The following MYO16 variants were observed in gnomAD, a reference collection of about 807,000 sequenced individuals.
The protein encoded by MYO16 is unconventional myosin-XVI.
Under a neutral mutation model 205.3 loss-of-function variants are expected in MYO16, and 94 were observed. That is an observed-to-expected ratio of 0.46 (90% CI 0.39 to 0.54). The LOEUF is 0.54. Among genes scored for constraint, MYO16 ranks in the 20% least tolerant of loss-of-function variants. The pLI is 0.00. For synonymous variants in MYO16, 988 were observed against 954.0 expected (o/e 1.04, Z -0.66); for missense variants, 2,315 against 2,387.5 (o/e 0.97, Z 0.63).
intron 1 of MYO16, among the ~76,000 whole-genome samples, chr13:108,614,766 T>C (rs1465624495): frequency 1.3e-5 from 2 of 152,036 alleles, no homozygotes; most frequent in African/African-American, 4.8e-5. Context: ...AATATCCATA[T>C]GCAAAAGAAT....
intron 1 of MYO16, among the ~76,000 whole-genome samples, chr13:108,653,208 G>A (rs1449899270): frequency 6.6e-6 from 1 of 152,120 alleles, no homozygotes. Context: ...ATCTATTCAA[G>A]TCCTTTTCCC....
intron 33 of MYO16, among the ~76,000 whole-genome samples, chr13:109,176,002 C>T (rs1266269189): frequency 6.6e-6 from 1 of 151,534 alleles, no homozygotes; most frequent in African/African-American, 2.4e-5. Context: ...CAAACATTTA[C>T]AGCTGAAATG....
chr13:109,203,364 C>T (rs1221220302), intron 34 of MYO16, among the ~76,000 whole-genome samples: 1 of 151,768 alleles, frequency 6.6e-6, no homozygotes, highest in Admixed American at 6.6e-5. Flanking sequence ...AAAAGCCAAA[C>T]AATCTTATCA....
chr13:108,675,851 G>T (rs77783597), intron 2 of MYO16, among the ~76,000 whole-genome samples: 3 of 152,174 alleles, frequency 2.0e-5, no homozygotes, highest in Non-Finnish European at 4.4e-5. Flanking sequence ...CAGTCTGGGG[G>T]TTGATCTGTA....
intron 31 of MYO16, among the ~76,000 whole-genome samples, chr13:109,132,175 T>G (rs1332789652): frequency 6.6e-6 from 1 of 152,228 alleles, no homozygotes; most frequent in Non-Finnish European, 1.5e-5. Context: ...GTGCCTGGCT[T>G]GGAGTGACGG....
At chr13:109,190,882 A>G (rs976229720) in intron 34 of MYO16, among the ~76,000 whole-genome samples, 1 of 152,170 alleles carries the variant, frequency 6.6e-6, no homozygotes, top group Non-Finnish European at 1.5e-5. Flanking sequence ...ATATAATAAT[A>G]TATATTTAGC....
At chr13:108,987,816 C>T (rs1033046577) in intron 20 of MYO16, among the ~76,000 whole-genome samples, 2 of 152,202 alleles carry the variant, frequency 1.3e-5, no homozygotes, top group Non-Finnish European at 1.5e-5. Flanking sequence ...CTGCCTTGTA[C>T]ACACCATCAG....
intron 4 of MYO16, among the ~76,000 whole-genome samples, chr13:108,761,593 A>G (rs947436895): frequency 6.6e-6 from 1 of 152,182 alleles, no homozygotes; most frequent in Non-Finnish European, 1.5e-5. Context: ...ATAAAAGGAA[A>G]ATCTTCACAA....
chr13:108,811,111 T>TA (rs973062408), intron 7 of MYO16, among the ~76,000 whole-genome samples: 9 of 152,172 alleles, frequency 5.9e-5, no homozygotes, highest in African/African-American at 2.2e-4. Flanking sequence ...CACCCAAAGA[T>TA]AAAAAAATAT....
chr13:109,181,826 ATT>A (rs950434173), intron 34 of MYO16, among the ~76,000 whole-genome samples: 1 of 144,626 alleles, frequency 6.9e-6, no homozygotes. Context: ...ATTTTATTTT[ATT>A]TTTTTTTTTG....
At chr13:109,070,818 A>G (rs548227363) in intron 27 of MYO16, among the ~76,000 whole-genome samples, 4 of 152,320 alleles carry the variant, frequency 2.6e-5, no homozygotes, top group African/African-American at 7.2e-5. Flanking sequence ...TGAAGCATCA[A>G]TTTATACACG....
intron 1 of MYO16, among the ~76,000 whole-genome samples, chr13:108,601,826 G>A (rs190017553): frequency 9.2e-5 from 14 of 152,222 alleles, no homozygotes; most frequent in East Asian, 5.8e-4. Flanking sequence ...TCACCAAGAC[G>A]TTCAGGAGCC....
At chr13:109,018,793 C>T (rs1034750888) in intron 22 of MYO16, among the ~76,000 whole-genome samples, 5 of 152,144 alleles carry the variant, frequency 3.3e-5, no homozygotes, top group African/African-American at 7.2e-5. Flanking sequence ...TGCGATGCCC[C>T]GCTCTGCTTC....
At chr13:108,816,739 T>A (rs1421132574) in intron 7 of MYO16, among the ~76,000 whole-genome samples, 2 of 152,236 alleles carry the variant, frequency 1.3e-5, no homozygotes, top group South Asian at 2.1e-4. Context: ...ACTTTCAGGA[T>A]GCCTGTCCGC....
intron 23 of MYO16, among the ~76,000 whole-genome samples, chr13:109,021,445 C>A (rs1447615561): frequency 7.2e-5 from 11 of 152,102 alleles, no homozygotes; most frequent in African/African-American, 2.7e-4. Flanking sequence ...AAGGGAAAAT[C>A]ATCTTCACGG....
chr13:108,743,420 G>A (rs145545468), intron 4 of MYO16, among the ~76,000 whole-genome samples: 2,357 of 152,282 alleles, frequency 0.015, 113 homozygotes, highest in Admixed American at 0.084. Context: ...AAGGGTGATA[G>A]GGAATATCAG....
At chr13:109,092,184 A>C (rs1303111853) in intron 27 of MYO16, among the ~76,000 whole-genome samples, 1 of 152,238 alleles carries the variant, frequency 6.6e-6, no homozygotes, top group Non-Finnish European at 1.5e-5. Context: ...TTAACAAACA[A>C]AGACATTTTC....
intron 15 of MYO16, among the ~76,000 whole-genome samples, chr13:108,899,386 G>A (rs1305535927): frequency 6.6e-6 from 1 of 151,284 alleles, no homozygotes; most frequent in Non-Finnish European, 1.5e-5. Flanking sequence ...TCACACCATT[G>A]CACTCCAGCC....
chr13:109,052,401 T>A lies in MYO16; in HGVS notation c.2974T>A (p.Ser992Thr). ...YPSFKFRGHK[S>T]ALLSKKMTAS... The stretch of plus-strand genomic sequence containing the variant: ...TTCCTTTAAATTCCGAGGACATAAG[T>A]CTGCCCTGCTCAGTAAGAAAATGAC... Residue 992 changes from serine (S) to threonine (T), a missense_variant, in exon 25 of 35, where the codon TCT (serine) becomes ACT (threonine). Ser to Thr is a moderately conservative substitution (Grantham distance 58). Transcript: ENST00000457511. 1 of 1,612,746 alleles carries A rather than the reference T, an allele frequency of 6.2e-7. No individual in the cohort carries two copies.
Sources: gnomAD v4.1 joint callset for allele counts (sites outside exome capture counted in the v4.1 genomes callset) on GRCh38, gnomAD v4.1.1 for gene constraint, MANE v1.5 for transcripts, NCBI Gene and HGNC (gene_info 2026-07-23, HGNC 2026-07-21) for gene names.